Variants in PREX2 observed in about 807,000 individuals in gnomAD.
PREX2 encodes phosphatidylinositol-3,4,5-trisphosphate dependent Rac exchange factor 2.
Under a neutral mutation model 203.2 loss-of-function variants are expected in PREX2, and 107 were observed. The ratio of observed to expected loss-of-function variants is 0.53; its 90% confidence interval spans 0.45 to 0.62. The LOEUF (loss-of-function observed/expected upper bound fraction) is 0.62, where lower values mean the gene tolerates loss of function less well. Ranked by LOEUF, PREX2 falls within the 20% of genes least tolerant of loss-of-function variation. The pLI, the probability that PREX2 is intolerant of heterozygous loss-of-function variation, is 0.00. For missense variants in PREX2, 1,777 were observed against 1,955.9 expected (o/e 0.91, Z 1.72); for synonymous variants, 672 against 663.6 (o/e 1.01, Z -0.19).
intron 35 of PREX2, among the ~76,000 whole-genome samples, chr8:68,166,146 C>G (rs1028030208): frequency 6.6e-6 from 1 of 152,152 alleles, no homozygotes; most frequent in Non-Finnish European, 1.5e-5. Flanking sequence ...GACTGAAGCC[C>G]TCATTCGTAA....
intron 37 of PREX2, among the ~76,000 whole-genome samples, chr8:68,204,678 C>CTTTTTTTTTTTTTTTTTTTTTTTTT (rs1192583427): frequency 3.6e-5 from 3 of 83,426 alleles, no homozygotes; most frequent in African/African-American, 5.1e-5. Context: ...TTTCTTCTTT[C>CTTTTTTTTTTTTTTTTTTTTTTTTT]TTTTTTTTTT....
intron 37 of PREX2, among the ~76,000 whole-genome samples, chr8:68,210,135 T>G (rs1399902743): frequency 2.6e-5 from 4 of 152,210 alleles, no homozygotes; most frequent in Non-Finnish European, 4.4e-5. Flanking sequence ...GTAGGTAGCA[T>G]TATTGAGAAC....
At chr8:68,011,130 C>G (rs751655398) in intron 1 of PREX2, among the ~76,000 whole-genome samples, 1 of 152,132 alleles carries the variant, frequency 6.6e-6, no homozygotes, top group East Asian at 1.9e-4. Flanking sequence ...GTAAATATCT[C>G]GCTTAATTTT....
At chr8:68,039,055 T>A (rs1323619576) in intron 7 of PREX2, among the ~76,000 whole-genome samples, 1 of 152,212 alleles carries the variant, frequency 6.6e-6, no homozygotes, top group Non-Finnish European at 1.5e-5. Flanking sequence ...GTCACTTCAG[T>A]TATTCTGACT....
intron 1 of PREX2, among the ~76,000 whole-genome samples, chr8:67,988,865 C>CCA (rs1175746014): frequency 2.6e-5 from 4 of 152,230 alleles, no homozygotes; most frequent in Non-Finnish European, 5.9e-5. Context: ...AGCCAACTAT[C>CCA]GCCAAGAGGC....
chr8:68,160,774 T>C (rs1359514615), intron 35 of PREX2, among the ~76,000 whole-genome samples: 4 of 152,168 alleles, frequency 2.6e-5, no homozygotes, highest in African/African-American at 9.6e-5. Flanking sequence ...TATTCTTTGA[T>C]AGAGAGAAGA....
chr8:68,150,750 A>T (rs1430995640), intron 34 of PREX2, among the ~76,000 whole-genome samples: 2 of 152,148 alleles, frequency 1.3e-5, no homozygotes, highest in African/African-American at 4.8e-5. Flanking sequence ...AGTCATTGGA[A>T]ATGATGCGTT....
intron 4 of PREX2, among the ~76,000 whole-genome samples, chr8:68,026,307 A>G (rs1169913832): frequency 6.6e-6 from 1 of 151,902 alleles, no homozygotes; most frequent in Admixed American, 6.6e-5. Flanking sequence ...TTTACTGATC[A>G]ACACTCAGCC....
chr8:68,189,299 A>T (rs543326671), intron 35 of PREX2, among the ~76,000 whole-genome samples: 16 of 152,256 alleles, frequency 1.1e-4, no homozygotes, highest in Non-Finnish European at 2.2e-4. Context: ...TTCCATGGCC[A>T]TTTACCTCTG....
intron 35 of PREX2, among the ~76,000 whole-genome samples, chr8:68,174,583 C>T (rs908453062): frequency 6.6e-6 from 1 of 152,168 alleles, no homozygotes; most frequent in African/African-American, 2.4e-5. Context: ...CCACTTTCCC[C>T]ACTGAGGTCT....
intron 1 of PREX2, among the ~76,000 whole-genome samples, chr8:67,988,452 A>G (rs922691635): frequency 6.6e-6 from 1 of 152,210 alleles, no homozygotes; most frequent in African/African-American, 2.4e-5. Context: ...GATGAATGAA[A>G]GTGCCATTGT....
chr8:68,099,302 T>C (rs1043386348), intron 22 of PREX2, among the ~76,000 whole-genome samples: 1 of 151,938 alleles, frequency 6.6e-6, no homozygotes, highest in African/African-American at 2.4e-5. Context: ...TTCTACCAAA[T>C]TGAGAAAAAA....
chr8:68,133,749 A>G (rs1301910567), intron 31 of PREX2, among the ~76,000 whole-genome samples: 3 of 152,204 alleles, frequency 2.0e-5, no homozygotes, highest in African/African-American at 7.2e-5. Context: ...AGGTATAGAA[A>G]ATATAAATAA....
intron 19 of PREX2, among the ~76,000 whole-genome samples, chr8:68,089,630 C>G (rs190357122): frequency 3.0e-4 from 45 of 152,258 alleles, no homozygotes; most frequent in African/African-American, 1.0e-3. Flanking sequence ...CCCTAAGACT[C>G]AATTCAATGC....
chr8:68,180,492 AT>A (rs1405860154), intron 35 of PREX2, among the ~76,000 whole-genome samples: 3 of 152,088 alleles, frequency 2.0e-5, no homozygotes, highest in Non-Finnish European at 4.4e-5. Flanking sequence ...GAGTTTACAG[AT>A]TTGGGTCCCT....
At chr8:68,130,793 G>A (rs577295412) in intron 31 of PREX2, among the ~76,000 whole-genome samples, 1 of 152,188 alleles carries the variant, frequency 6.6e-6, no homozygotes, top group Non-Finnish European at 1.5e-5. Flanking sequence ...AATGCCCACT[G>A]TGCTATATAA....
intron 35 of PREX2, among the ~76,000 whole-genome samples, chr8:68,186,407 C>A (rs995214874): frequency 6.6e-6 from 1 of 151,980 alleles, no homozygotes; most frequent in Admixed American, 6.6e-5. Flanking sequence ...TTTCAGTAAA[C>A]GTTTGTCTTT....
At chr8:68,203,736 ACCCTGATGAGGAGC>A (rs1426562693) in intron 37 of PREX2, among the ~76,000 whole-genome samples, 1 of 152,116 alleles carries the variant, frequency 6.6e-6, no homozygotes, top group Admixed American at 6.6e-5. Context: ...TCCTCTGTGC[ACCCTGATGAGGAGC>A]CTCAGGGTAA....
At chr8:68,069,232 G>T in intron 12 of PREX2, 96 bp downstream of exon 12, 1 of 663,844 alleles carries the variant, frequency 1.5e-6, no homozygotes. Context: ...GATTTTTCTA[G>T]TTTAGAAAAT....
Sources: allele counts gnomAD v4.1 joint callset (sites outside exome capture counted in the v4.1 genomes callset), GRCh38; gene constraint gnomAD v4.1.1; transcripts MANE v1.5; gene names NCBI Gene and HGNC (gene_info 2026-07-23, HGNC 2026-07-21).